SLC36A4: variants seen among roughly 807,000 people sequenced by gnomAD.
SLC36A4 encodes solute carrier family 36 member 4, also known as neutral amino acid uniporter 4.
A neutral mutation model predicts 50.5 loss-of-function variants in SLC36A4; 49 were observed. The observed-to-expected ratio is 0.97, with a 90% confidence interval of 0.77 to 1.23. The LOEUF is 1.23. SLC36A4 is among the 50% of genes most tolerant of loss of function. The pLI is 0.00. For synonymous variants in SLC36A4, 207 were observed against 206.5 expected (o/e 1.00, Z -0.02); for missense variants, 611 against 608.4 (o/e 1.00, Z -0.05).
chr11:93,161,691 A>G (rs1280170072), intron 9 of SLC36A4, among the ~76,000 whole-genome samples: 1 of 152,246 alleles, frequency 6.6e-6, no homozygotes, highest in Non-Finnish European at 1.5e-5. Context: ...ATTTAAGATT[A>G]CACAGATTTT....
At chr11:93,190,839 T>G (rs1304554744) in intron 1 of SLC36A4, among the ~76,000 whole-genome samples, 1 of 152,210 alleles carries the variant, frequency 6.6e-6, no homozygotes, top group African/African-American at 2.4e-5. Context: ...AAATACATTT[T>G]TCTAACTACA....
At chr11:93,181,576 CATATGTTTATTCCCCAACTTTAT>C in intron 5 of SLC36A4, 92 bp downstream of exon 5, 1 of 752,858 alleles carries the variant, frequency 1.3e-6, no homozygotes, top group Non-Finnish European at 1.9e-6. Flanking sequence ...CTAAGGGTTA[CATATGTTTATTCCCCAACTTTAT>C]CATATTTTTA....
chr11:93,185,025 C>T (rs1861920801), intron 2 of SLC36A4, among the ~76,000 whole-genome samples: 1 of 151,958 alleles, frequency 6.6e-6, no homozygotes, highest in Non-Finnish European at 1.5e-5. Flanking sequence ...AGTTTTAAAA[C>T]TATATGAATC....
chr11:93,146,336 C>A lies in SLC36A4; in HGVS notation c.*2201G>T, dbSNP rs1227790991. 6.6e-6 allele frequency: 1 copy of A among 151,882 alleles called. No homozygotes were observed. The allele number at this position is 151,882 out of a possible 1,614,324, so 9.4% of individuals were successfully genotyped here. On this transcript the variant is annotated 3_prime_UTR_variant, in exon 11 of 11. Transcript: ENST00000326402. ...CTTCCTATTAAATAATAATTTTCAA[C>A]TCATTTTATATCAAGCTATAAAGTT...
At chr11:93,191,778 G>A (rs1278743027) in intron 1 of SLC36A4, among the ~76,000 whole-genome samples, 3 of 152,002 alleles carry the variant, frequency 2.0e-5, no homozygotes, top group Admixed American at 6.5e-5. Flanking sequence ...CATTATAGGC[G>A]AACACATTAA....
chr11:93,180,215 A>T, intron 6 of SLC36A4: 1 of 985,012 alleles, frequency 1.0e-6, no homozygotes, highest in Non-Finnish European at 1.2e-6. Flanking sequence ...GTTTTGATGG[A>T]GGGATTTTTT....
At position 93,170,721 on chromosome 11, in the gene SLC36A4, T is replaced by C. The variant is rs971696573; in HGVS notation, c.541-2550A>G. Among the ~76,000 whole-genome samples the C allele has an allele frequency of 6.6e-5, 10 of 152,032 alleles. 1 individual carries two copies. Among genetic ancestry groups the C allele is most frequent in the Admixed American group, 6.6e-4 (10 of 15,234 alleles). The stretch of plus-strand genomic sequence containing the variant: ...TATCTGCATGAGATTTTCTAGAGTA[T>C]CTTAGAGTAAGAACAGAGAGGAACA... On this transcript the variant is annotated intron_variant, in intron 6 of 10. Coordinates refer to ENST00000326402, the MANE Select transcript of SLC36A4 (RefSeq NM_152313.4).
intron 10 of SLC36A4, among the ~76,000 whole-genome samples, chr11:93,149,454 A>C (rs555752762): frequency 6.6e-6 from 1 of 152,022 alleles, no homozygotes; most frequent in African/African-American, 2.4e-5. Context: ...CAGTGGAGAA[A>C]TAAGTCAACA....
At chr11:93,175,443 T>G (rs1350999405) in intron 6 of SLC36A4, among the ~76,000 whole-genome samples, 10 of 151,298 alleles carry the variant, frequency 6.6e-5, no homozygotes, top group Non-Finnish European at 1.3e-4. Context: ...GTGTCTCTAT[T>G]TCCTTCAGTT....
chr11:93,197,960 G>C lies in SLC36A4; in HGVS notation c.-128C>G. 4.0e-6 allele frequency: 4 copies of C among 999,562 alleles called. No homozygotes were observed. Among genetic ancestry groups the C allele is most frequent in the Non-Finnish European group, 5.4e-6 (4 of 737,678 alleles). The allele number at this position is 999,562 out of a possible 1,614,324, so 61.9% of individuals were successfully genotyped here. On this transcript the variant is annotated 5_prime_UTR_variant, in exon 1 of 11. Transcript: ENST00000326402. ...CGCCTGGTGCCCGCCTCCCTGCCCC[G>C]GCGCTCCCCAACCGCGCGGCGAGGA... is the stretch of plus-strand genomic sequence containing the variant.
intron 6 of SLC36A4, among the ~76,000 whole-genome samples, chr11:93,169,485 A>G (rs1861035861): frequency 6.6e-6 from 1 of 152,144 alleles, no homozygotes; most frequent in African/African-American, 2.4e-5. Flanking sequence ...ACAAATCAGA[A>G]GATTAAAACA....
intron 6 of SLC36A4, among the ~76,000 whole-genome samples, chr11:93,175,938 G>T (rs1206235025): frequency 7.5e-6 from 1 of 133,060 alleles, no homozygotes; most frequent in Non-Finnish European, 1.6e-5. Context: ...ATTTGGGGTG[G>T]AGAGTTCTGT....
chr11:93,177,600 C>T (rs1390012537), intron 6 of SLC36A4, among the ~76,000 whole-genome samples: 1 of 152,098 alleles, frequency 6.6e-6, no homozygotes, highest in African/African-American at 2.4e-5. Flanking sequence ...CAGTCAGGAC[C>T]CTCAGCTGCA....
intron 9 of SLC36A4, 141 bp from the exon 10 acceptor site, chr11:93,154,418 A>G (rs1384731804): frequency 2.5e-6 from 1 of 395,870 alleles, no homozygotes; most frequent in African/African-American, 2.1e-5. Context: ...CTTGTTTGTA[A>G]AAAAGGCAAA....
intron 1 of SLC36A4, among the ~76,000 whole-genome samples, chr11:93,196,106 G>T (rs1420475270): frequency 6.6e-6 from 1 of 152,062 alleles, no homozygotes; most frequent in Non-Finnish European, 1.5e-5. Flanking sequence ...TTGAATTAAT[G>T]AAAATATAAA....
At chr11:93,160,544 T>C (rs1314414928) in intron 9 of SLC36A4, 1 of 985,264 alleles carries the variant, frequency 1.0e-6, no homozygotes, top group Non-Finnish European at 1.2e-6. Context: ...TTGGAGCTAC[T>C]GCAGGGACAG....
intron 1 of SLC36A4, among the ~76,000 whole-genome samples, chr11:93,190,819 G>A (rs1042365714): frequency 6.6e-6 from 1 of 151,990 alleles, no homozygotes; most frequent in Non-Finnish European, 1.5e-5. Context: ...TGCAACCTCC[G>A]CCTCCCAGTA....
intron 10 of SLC36A4, chr11:93,152,113 C>T (rs549916235): frequency 6.6e-6 from 1 of 152,172 alleles, no homozygotes; most frequent in Admixed American, 6.6e-5. Context: ...GATAAGTCCA[C>T]TTCTTTAAGG....
chr11:93,168,224 A>C (rs1860973321), intron 6 of SLC36A4, 53 bp from the exon 7 acceptor site: 1 of 1,092,792 alleles, frequency 9.2e-7, no homozygotes. Context: ...CCATCAACTT[A>C]CAATCATAAA....
Sources: allele counts gnomAD v4.1 joint callset (sites outside exome capture counted in the v4.1 genomes callset), GRCh38; gene constraint gnomAD v4.1.1; transcripts MANE v1.5; gene names NCBI Gene and HGNC (gene_info 2026-07-23, HGNC 2026-07-21).